Variants in HECW1 observed in about 807,000 individuals in gnomAD.
HECW1 encodes HECT, C2 and WW domain containing E3 ubiquitin protein ligase 1.
HECW1 carries 61 observed loss-of-function variants against 182.3 expected under a neutral mutation model. The observed-to-expected ratio is 0.33, with a 90% CI of 0.27 to 0.41. HECW1 has a LOEUF of 0.41. Ranked by LOEUF, HECW1 falls within the 10% of genes least tolerant of loss-of-function variation. The pLI is 1.00. For synonymous variants in HECW1, 859 were observed against 832.6 expected, an observed-to-expected ratio of 1.03 and a Z score of -0.55; for missense variants, 1,739 against 2,108.9, an observed-to-expected ratio of 0.82 and a Z score of 3.44.
chr7:43,432,447 T>A lies in HECW1; in HGVS notation c.802-5556T>A, dbSNP rs73328092. On this transcript the variant is annotated intron_variant, in intron 8 of 29. Coordinates refer to ENST00000395891, the MANE Select transcript of HECW1 (RefSeq NM_015052.5). The surrounding 1 kb of genome is among the most constrained non-coding windows in gnomAD (Gnocchi z 4.1). Reference sequence around the variant, plus strand: ...AGCCACCGCGCCCGGCCCAGTTGTTTATTTTTTAAGACTCAGTTAAAGCAT... The same window carrying A: ...AGCCACCGCGCCCGGCCCAGTTGTTAATTTTTTAAGACTCAGTTAAAGCAT... 0.018 allele frequency among the ~76,000 whole-genome samples: 2,791 copies of A among 152,358 alleles called. 91 individuals are homozygous for A. The highest frequency in any genetic ancestry group is 0.065 in the African/African-American group (2,698 of 41,576).
intron 2 of HECW1, among the ~76,000 whole-genome samples, chr7:43,201,900 T>A (rs1282206768): frequency 6.6e-6 from 1 of 152,186 alleles, no homozygotes; most frequent in Non-Finnish European, 1.5e-5. Flanking sequence ...AAAATAATGG[T>A]TCATGTGAGA....
At chr7:43,128,424 A>G (rs1786521289) in intron 2 of HECW1, among the ~76,000 whole-genome samples, 1 of 152,214 alleles carries the variant, frequency 6.6e-6, no homozygotes, top group South Asian at 2.1e-4. Context: ...AAATGGAACA[A>G]TGAAGCTTGA....
intron 2 of HECW1, among the ~76,000 whole-genome samples, chr7:43,120,872 G>A (rs1344709621): frequency 6.6e-6 from 1 of 152,026 alleles, no homozygotes; most frequent in African/African-American, 2.4e-5. Context: ...TGGAACTCCT[G>A]GCCTCGAGTG....
chr7:43,399,552 T>C (rs1379785073), intron 7 of HECW1, among the ~76,000 whole-genome samples: 7 of 152,192 alleles, frequency 4.6e-5, no homozygotes, highest in Non-Finnish European at 8.8e-5. Flanking sequence ...CCAAGAGGAA[T>C]GCCATGCATG....
At chr7:43,435,737 A>G (rs1446929820) in intron 8 of HECW1, among the ~76,000 whole-genome samples, 1 of 152,202 alleles carries the variant, frequency 6.6e-6, no homozygotes, top group Non-Finnish European at 1.5e-5. Flanking sequence ...AAGAAATACA[A>G]CTTGAAGCCC....
intron 2 of HECW1, among the ~76,000 whole-genome samples, chr7:43,219,155 G>A (rs1416511864): frequency 6.6e-6 from 1 of 152,114 alleles, no homozygotes; most frequent in Non-Finnish European, 1.5e-5. Context: ...GTGGGGATAT[G>A]TGGGAGTGGC....
chr7:43,439,799 A>C (rs1410479217), intron 9 of HECW1: 1 of 152,480 alleles, frequency 6.6e-6, no homozygotes, highest in African/African-American at 2.4e-5. Flanking sequence ...CAAGTACCTG[A>C]GGTGGAAAAG....
In HECW1 at chr7:43,311,890, A is replaced by T. The variant is rs1442214710; in HGVS notation, c.155A>T (p.Asp52Val). Residue 52 changes from aspartate to valine, a missense_variant, in exon 4 of 30, where the codon GAC (aspartate) becomes GTC (valine). Transcript: ENST00000395891. Reference sequence around the variant, plus strand: ...AACCCCGACCAGTTCCACAACATGGACCTCAGGGGCGGCCCCCACGATGGC... The same window carrying T: ...AACCCCGACCAGTTCCACAACATGGTCCTCAGGGGCGGCCCCCACGATGGC... ...SYNPDQFHNM[D>V]LRGGPHDGVT... The T allele has an allele frequency of 8.1e-6, 13 of 1,614,024 alleles. 1 individual carries two copies. The South Asian group carries it at 9.9e-5, about 12-fold the overall frequency.
chr7:43,393,923 T>G (rs1229167036), intron 6 of HECW1, among the ~76,000 whole-genome samples: 1 of 152,220 alleles, frequency 6.6e-6, no homozygotes, highest in Non-Finnish European at 1.5e-5. Context: ...ATGCACATAC[T>G]CTAGACTTAC....
chr7:43,121,122 C>T (rs1371062661), intron 2 of HECW1, among the ~76,000 whole-genome samples: 2 of 152,112 alleles, frequency 1.3e-5, no homozygotes, highest in African/African-American at 2.4e-5. Flanking sequence ...CCTGAACTTC[C>T]GTGTTTTTCT....
At chr7:43,554,282 C>T (rs2081947933) in intron 28 of HECW1, among the ~76,000 whole-genome samples, 1 of 152,242 alleles carries the variant, frequency 6.6e-6, no homozygotes, top group Non-Finnish European at 1.5e-5. Context: ...TCCTTATCTA[C>T]ACCTATATGA....
intron 8 of HECW1, among the ~76,000 whole-genome samples, chr7:43,412,089 G>T (rs1012462238): frequency 6.6e-6 from 1 of 152,048 alleles, no homozygotes; most frequent in Non-Finnish European, 1.5e-5. Flanking sequence ...TTTATCTACT[G>T]AATTTTTAGG....
chr7:43,206,442 A>C (rs368769722), intron 2 of HECW1, among the ~76,000 whole-genome samples: 1 of 152,136 alleles, frequency 6.6e-6, no homozygotes, highest in Non-Finnish European at 1.5e-5. Flanking sequence ...TCTCTATTGG[A>C]TCAAACATAT....
intron 3 of HECW1, among the ~76,000 whole-genome samples, chr7:43,302,818 G>C (rs1293952624): frequency 6.6e-6 from 1 of 152,190 alleles, no homozygotes; most frequent in African/African-American, 2.4e-5. Context: ...GTGCCTTCCT[G>C]AGGAAGAAAC....
intron 4 of HECW1, among the ~76,000 whole-genome samples, chr7:43,314,268 C>T (rs1269990379): frequency 4.6e-5 from 7 of 152,168 alleles, no homozygotes; most frequent in African/African-American, 7.2e-5. Context: ...ACCTGAGGGA[C>T]GTGCGTCCAC....
chr7:43,519,057 G>C (rs1465701333), intron 24 of HECW1, among the ~76,000 whole-genome samples: 1 of 152,106 alleles, frequency 6.6e-6, no homozygotes, highest in Non-Finnish European at 1.5e-5. Flanking sequence ...GTAATAACAG[G>C]TAATATTTAT....
At chr7:43,228,936 TG>T in intron 2 of HECW1, among the ~76,000 whole-genome samples, 1 of 152,290 alleles carries the variant, frequency 6.6e-6, no homozygotes, top group Middle Eastern at 3.4e-3. Context: ...TCTACCAAAT[TG>T]GTTAACAGTG....
intron 29 of HECW1, among the ~76,000 whole-genome samples, chr7:43,556,872 G>A (rs1307523157): frequency 6.6e-6 from 1 of 152,026 alleles, no homozygotes; most frequent in Non-Finnish European, 1.5e-5. Flanking sequence ...GAGCTTCTAA[G>A]GCAGACATTG....
chr7:43,177,444 A>G (rs1792374436), intron 2 of HECW1, among the ~76,000 whole-genome samples: 1 of 152,138 alleles, frequency 6.6e-6, no homozygotes, highest in Non-Finnish European at 1.5e-5. Context: ...GTCTGGACTG[A>G]GTTTGTCCCT....
Sources: allele counts gnomAD v4.1 joint callset (sites outside exome capture counted in the v4.1 genomes callset), GRCh38; gene constraint gnomAD v4.1.1; non-coding constraint Gnocchi (gnomAD v3.1); transcripts MANE v1.5; gene names NCBI Gene and HGNC (gene_info 2026-07-23, HGNC 2026-07-21).